RASA1: variants seen among roughly 807,000 people sequenced by gnomAD.
RASA1 encodes the protein ras GTPase-activating protein 1.
A neutral mutation model predicts 132.2 loss-of-function variants in RASA1; 25 were observed. The ratio of observed to expected loss-of-function variants is 0.19; its 90% CI spans 0.14 to 0.26. RASA1 has a LOEUF of 0.26. Among genes scored for constraint, RASA1 ranks in the 10% least tolerant of loss-of-function variants. The pLI, the probability that RASA1 is intolerant of heterozygous loss-of-function variation, is 1.00. For synonymous variants in RASA1, 477 were observed against 449.9 expected (o/e 1.06, Z -0.76); for missense variants, 964 against 1,299.2 (o/e 0.74, Z 3.97).
At chr5:87,372,297 G>A (rs1008722709) in intron 13 of RASA1, 102 bp downstream of exon 13, 12 of 1,050,608 alleles carry the variant, frequency 1.1e-5, no homozygotes, top group Non-Finnish European at 1.7e-5. Flanking sequence ...ATCATATGGG[G>A]TTAAGCCATG....
chr5:87,298,330 G>A (rs1297020257), intron 1 of RASA1, among the ~76,000 whole-genome samples: 1 of 151,256 alleles, frequency 6.6e-6, no homozygotes, highest in African/African-American at 2.4e-5. Context: ...AATGGTGTGA[G>A]CCAGGGAGGC....
intron 1 of RASA1, among the ~76,000 whole-genome samples, chr5:87,313,242 G>A (rs1756055112): frequency 1.3e-5 from 2 of 152,256 alleles, no homozygotes; most frequent in South Asian, 2.1e-4. Context: ...GGGCACAGGT[G>A]GTCTTTAGCT....
intron 1 of RASA1, among the ~76,000 whole-genome samples, chr5:87,287,991 TAC>T (rs756656018): frequency 7.2e-6 from 1 of 138,714 alleles, no homozygotes; most frequent in Admixed American, 7.3e-5. Flanking sequence ...ATACCATATA[TAC>T]ACACACCATA....
intron 1 of RASA1, among the ~76,000 whole-genome samples, chr5:87,272,552 T>A (rs1753892239): frequency 6.6e-6 from 1 of 151,920 alleles, no homozygotes; most frequent in African/African-American, 2.4e-5. Flanking sequence ...TTTTTTTTTT[T>A]AAGATTTAAT....
Position 87,300,207 on chromosome 5 carries a change from AAAAAAT to A in RASA1, c.540-31129_540-31124del, listed in dbSNP as rs375840549. On this transcript the variant is annotated intron_variant, in intron 1 of 24. Transcript: ENST00000274376. Reference sequence around the variant, plus strand: ...CAACATAGGGAGACCCTGTCTCTACAAAAAATAAAAATAAAAAGTTTAGCAGGGCAT... The same window carrying A: ...CAACATAGGGAGACCCTGTCTCTACAAAAAATAAAAAGTTTAGCAGGGCAT... 7.0e-3 allele frequency among the ~76,000 whole-genome samples: 1,061 copies of A among 152,180 alleles called. 5 individuals are homozygous for A. The highest frequency in any genetic ancestry group is 0.016 in the African/African-American group (675 of 41,494).
chr5:87,348,650 T>C, intron 7 of RASA1, among the ~76,000 whole-genome samples: 1 of 151,954 alleles, frequency 6.6e-6, no homozygotes. Flanking sequence ...ATTTTTTTTT[T>C]TTTAAGATGC....
At chr5:87,277,564 C>A (rs1276726088) in intron 1 of RASA1, among the ~76,000 whole-genome samples, 1 of 152,144 alleles carries the variant, frequency 6.6e-6, no homozygotes, top group Admixed American at 6.5e-5. Context: ...AGCTTGCCAG[C>A]ACTTTGATAG....
intron 1 of RASA1, among the ~76,000 whole-genome samples, chr5:87,307,467 A>G (rs1290654768): frequency 6.6e-6 from 1 of 150,900 alleles, no homozygotes; most frequent in Non-Finnish European, 1.5e-5. Context: ...TCTCAAAACA[A>G]CAACAACAAC....
chr5:87,290,253 T>A (rs1754857013), intron 1 of RASA1, among the ~76,000 whole-genome samples: 3 of 152,224 alleles, frequency 2.0e-5, no homozygotes, highest in African/African-American at 7.2e-5. Flanking sequence ...AGGTGGTGTA[T>A]AAGGGACAGG....
intron 1 of RASA1, among the ~76,000 whole-genome samples, chr5:87,301,684 A>G (rs1157220200): frequency 6.6e-6 from 1 of 152,074 alleles, no homozygotes; most frequent in Non-Finnish European, 1.5e-5. Context: ...CCAGTTGAGC[A>G]TCCTTAATCT....
intron 20 of RASA1, among the ~76,000 whole-genome samples, chr5:87,382,519 C>T (rs969633301): frequency 6.6e-6 from 1 of 152,100 alleles, no homozygotes; most frequent in African/African-American, 2.4e-5. Flanking sequence ...TAATGCTTGT[C>T]TTTACATGGG....
chr5:87,372,038 T>C (rs200875735), intron 12 of RASA1, 80 bp from the exon 13 acceptor site: 1 of 799,726 alleles, frequency 1.3e-6, no homozygotes, highest in African/African-American at 4.3e-5. Flanking sequence ...TTGTTGAATT[T>C]GAAAAAAAAA....
intron 9 of RASA1, among the ~76,000 whole-genome samples, chr5:87,356,745 T>G (rs1228935673): frequency 6.6e-6 from 1 of 151,274 alleles, no homozygotes; most frequent in Non-Finnish European, 1.5e-5. Flanking sequence ...ATTACACACT[T>G]AGTAGACTAC....
intron 1 of RASA1, among the ~76,000 whole-genome samples, chr5:87,313,374 G>A (rs1216952885): frequency 2.6e-5 from 4 of 152,160 alleles, no homozygotes; most frequent in African/African-American, 7.2e-5. Context: ...TTTGGAAGCC[G>A]GGCTTTACCA....
rs1424727363 is a variant in RASA1 at position 87,270,648 on chromosome 5, T to C, written c.539+1658T>C. 1.1e-4 allele frequency among the ~76,000 whole-genome samples: 3 copies of C among 28,102 alleles called. No homozygotes were observed. In the East Asian group the frequency reaches 4.3e-3, roughly 41 times the overall value. 18.4% of individuals were successfully genotyped at this position (28,102 alleles called of 152,430 possible). A position where few individuals can be genotyped will look rare whatever the true frequency, so the allele number is the denominator to read the frequency against. On this transcript the variant is annotated intron_variant, in intron 1 of 24. Transcript: ENST00000274376. ...AGCCGTAAGCCACGGTGCCCGGCCT[T>C]TTTTTTTTTTTTTTTTTTTTTTTTT...
chr5:87,317,927 C>T (rs1025868657), intron 1 of RASA1, among the ~76,000 whole-genome samples: 11 of 152,102 alleles, frequency 7.2e-5, no homozygotes, highest in Admixed American at 1.3e-4. Context: ...TGAGCCACCG[C>T]GCCCAGCCGT....
intron 1 of RASA1, among the ~76,000 whole-genome samples, chr5:87,310,682 T>G (rs1030572252): frequency 1.3e-5 from 2 of 152,140 alleles, no homozygotes; most frequent in African/African-American, 2.4e-5. Context: ...TTCACTAGAG[T>G]TCCAAACCAT....
intron 9 of RASA1, among the ~76,000 whole-genome samples, chr5:87,356,374 ATGAT>A (rs1215532208): frequency 6.6e-6 from 1 of 151,210 alleles, no homozygotes; most frequent in African/African-American, 2.5e-5. Context: ...GACGTCCTAG[ATGAT>A]TGTTATTTTT....
At chr5:87,287,060 G>GTATATACACACCA (rs1465225939) in intron 1 of RASA1, among the ~76,000 whole-genome samples, 5 of 114,130 alleles carry the variant, frequency 4.4e-5, no homozygotes, top group Non-Finnish European at 7.3e-5. Context: ...TATACCCCAT[G>GTATATACACACCA]TATATACACA....
Sources: gnomAD v4.1 joint callset for allele counts (sites outside exome capture counted in the v4.1 genomes callset) on GRCh38, gnomAD v4.1.1 for gene constraint, MANE v1.5 for transcripts, NCBI Gene and HGNC (gene_info 2026-07-23, HGNC 2026-07-21) for gene names.